The following DNAJC6 variants were observed in gnomAD, a reference collection of about 807,000 sequenced individuals.
DNAJC6 encodes DnaJ heat shock protein family (Hsp40) member C6, also known as auxilin.
A neutral mutation model predicts 110.0 loss-of-function variants in DNAJC6; 34 were observed. The ratio of observed to expected loss-of-function variants is 0.31; its 90% CI spans 0.24 to 0.41. DNAJC6 has a LOEUF of 0.41. Among genes scored for constraint, DNAJC6 ranks in the 10% least tolerant of loss-of-function variants. The pLI, the probability that DNAJC6 is intolerant of heterozygous loss-of-function variation, is 1.00. For missense variants in DNAJC6, 1,031 were observed against 1,207.8 expected, an observed-to-expected ratio of 0.85 and a Z score of 2.17; for synonymous variants, 406 against 437.2, an observed-to-expected ratio of 0.93 and a Z score of 0.89.
At chr1:65,406,226 TG>T in intron 16 of DNAJC6, 93 bp downstream of exon 16, 1 of 1,493,110 alleles carries the variant, frequency 6.7e-7, no homozygotes, top group Admixed American at 2.1e-5. Context: ...CAGTATTTTC[TG>T]GGTAGTTTCA....
intron 17 of DNAJC6, among the ~76,000 whole-genome samples, chr1:65,409,052 C>G (rs1290091888): frequency 6.6e-6 from 1 of 152,020 alleles, no homozygotes; most frequent in Non-Finnish European, 1.5e-5. Context: ...GTGGTCTTTT[C>G]CCTGTGTCCT....
chr1:65,387,340 G>A (rs1291891571), intron 8 of DNAJC6, among the ~76,000 whole-genome samples: 1 of 152,168 alleles, frequency 6.6e-6, no homozygotes, highest in Non-Finnish European at 1.5e-5. Context: ...CCCTTTTAAA[G>A]TGTACAATGC....
chr1:65,338,390 A>G (rs938987758), intron 1 of DNAJC6, among the ~76,000 whole-genome samples: 1 of 152,012 alleles, frequency 6.6e-6, no homozygotes, highest in African/African-American at 2.4e-5. Flanking sequence ...CTGGTTGTAT[A>G]TATTTTGCTT....
At chr1:65,369,100 A>G (rs2101567212) in intron 4 of DNAJC6, among the ~76,000 whole-genome samples, 1 of 152,140 alleles carries the variant, frequency 6.6e-6, no homozygotes, top group African/African-American at 2.4e-5. Flanking sequence ...TAATTTTGCT[A>G]AGGAGAAGAT....
At chr1:65,289,854 G>T (rs1323957771) in intron 1 of DNAJC6, among the ~76,000 whole-genome samples, 2 of 150,468 alleles carry the variant, frequency 1.3e-5, no homozygotes, top group Non-Finnish European at 3.0e-5. Context: ...ATGTTGCCCA[G>T]GCTGAGATGC....
chr1:65,311,461 G>A (rs1645101260), intron 1 of DNAJC6, among the ~76,000 whole-genome samples: 1 of 152,114 alleles, frequency 6.6e-6, no homozygotes, highest in Admixed American at 6.5e-5. Context: ...CTGACCTCAG[G>A]TGATCTGCCT....
At chr1:65,412,770 T>C (rs113767391) in intron 18 of DNAJC6, among the ~76,000 whole-genome samples, 154 bp from the exon 19 acceptor site, 34 of 152,230 alleles carry the variant, frequency 2.2e-4, no homozygotes, top group African/African-American at 8.2e-4. Context: ...TTATAGTAAT[T>C]TGGGTCAGAT....
At chr1:65,266,538 A>C (rs1391985915) in intron 1 of DNAJC6, among the ~76,000 whole-genome samples, 1 of 152,188 alleles carries the variant, frequency 6.6e-6, no homozygotes, top group Non-Finnish European at 1.5e-5. Context: ...GTGCCTGGTA[A>C]GGGGGAAGAG....
At chr1:65,367,671 A>G (rs1401232922) in intron 4 of DNAJC6, among the ~76,000 whole-genome samples, 4 of 152,202 alleles carry the variant, frequency 2.6e-5, no homozygotes, top group Non-Finnish European at 5.9e-5. Context: ...ATATCATTAT[A>G]GAAGCATTTA....
rs1557508056 is a variant in DNAJC6, at chr1:65,302,125, A to ATACGTATTATATAT, written c.-131+37193_-131+37194insTACGTATTATATAT. ...AATATATAATATATATATATATATAAAAAATATATATAATACGTATTATAT... is the reference window on the plus strand; with the variant it reads ...AATATATAATATATATATATATATAATACGTATTATATATAAAATATATATAATACGTATTATAT... On this transcript the variant is annotated intron_variant, in intron 1 of 19. Transcript: ENST00000263441. Among the ~76,000 whole-genome samples, 178 of 20,716 alleles carry ATACGTATTATATAT rather than the reference A, an allele frequency of 8.6e-3. 4 individuals carry two copies. Among genetic ancestry groups the ATACGTATTATATAT allele is most frequent in the African/African-American group, 0.051 (162 of 3,204 alleles). 13.6% of individuals were successfully genotyped at this position (20,716 alleles called of 152,430 possible). A position where few individuals can be genotyped will look rare whatever the true frequency, so the allele number is the denominator to read the frequency against.
chr1:65,278,836 C>A (rs1393827726), intron 1 of DNAJC6, among the ~76,000 whole-genome samples: 1 of 152,106 alleles, frequency 6.6e-6, no homozygotes, highest in Non-Finnish European at 1.5e-5. Flanking sequence ...GTTCATCTGA[C>A]TTTCCTAACT....
chr1:65,264,942 G>C (rs772327587), intron 1 of DNAJC6: 1 of 1,612,444 alleles, frequency 6.2e-7, no homozygotes, highest in Non-Finnish European at 8.5e-7. Context: ...GGTAAGGGGC[G>C]GACTGCAGAA....
rs1232251726 is a variant in DNAJC6 at position 65,405,934 on chromosome 1, C to T, written c.2292C>T (p.Leu764=). Residue 764 remains leucine (L), a synonymous_variant, in exon 16 of 19, where the codon CTC becomes CTT. Transcript: ENST00000371069. The stretch of plus-strand genomic sequence containing the variant: ...GATTGGGTGGAGGATTCCCGCCTCT[C>T]AGCTCGCCACAGAAGGCGTCTCCCC... The part of the protein sequence containing the change: ...PTGLGGGFPP[L]SSPQKASPQP... 6.2e-7 allele frequency: 1 copy of T among 1,614,040 alleles called. No homozygotes were observed. Among genetic ancestry groups the T allele is most frequent in the Non-Finnish European group, 8.5e-7 (1 of 1,180,004 alleles).
rs148145327 is a variant in DNAJC6, at chr1:65,388,404, A to G, written c.1182A>G (p.Leu394=). ...TCATACCACTGGACACAACAGTTTTAAAGTTCACCAAGTAAGTACTGGTTG... is the reference window on the plus strand; with the variant it reads ...TCATACCACTGGACACAACAGTTTTGAAGTTCACCAAGTAAGTACTGGTTG... ...TGFIPLDTTV[L]KFTKPELDAC... is the part of the protein sequence containing the mutation. The change falls in exon 9 of 19, where the codon TTA becomes TTG. Residue 394 remains leucine (L), a synonymous_variant. Coordinates refer to ENST00000371069, the MANE Select transcript of DNAJC6 (RefSeq NM_001256864.2). The G allele has an allele frequency of 1.3e-4, 212 of 1,613,900 alleles. No individual in the cohort carries two copies. The highest frequency in any genetic ancestry group is 1.6e-4 in the Middle Eastern group (1 of 6,080).
chr1:65,299,790 C>T (rs1410466852), intron 1 of DNAJC6, among the ~76,000 whole-genome samples: 1 of 152,028 alleles, frequency 6.6e-6, no homozygotes, highest in Non-Finnish European at 1.5e-5. Flanking sequence ...TGGCTCATGC[C>T]TGCAATCCCA....
At chr1:65,398,700 T>A in intron 13 of DNAJC6, 113 bp from the exon 14 acceptor site, 2 of 995,164 alleles carry the variant, frequency 2.0e-6, no homozygotes, top group Non-Finnish European at 3.1e-6. Context: ...TATCTTGGGA[T>A]CTTGCTGGGG....
rs138889333 is a variant in DNAJC6 at position 65,398,823 on chromosome 1, G to T, written c.2049G>T (p.Thr683=). ...SPSPTVHASS[T]PAVNIQPDVS... ...TTTCCCCATTTGCAGCTTCTAGTAC[G>T]CCTGCTGTGAACATTCAGCCAGATG... The change falls in exon 14 of 19, where the codon ACG becomes ACT. Residue 683 remains threonine, a synonymous_variant. Coordinates refer to ENST00000371069, the MANE Select transcript of DNAJC6 (RefSeq NM_001256864.2). The T allele has an allele frequency of 3.7e-6, 6 of 1,613,864 alleles. No homozygotes were observed. In the East Asian group the frequency reaches 6.7e-5, roughly 18 times the overall value.
At chr1:65,293,939 A>G (rs908741177) in intron 1 of DNAJC6, among the ~76,000 whole-genome samples, 11 of 152,236 alleles carry the variant, frequency 7.2e-5, no homozygotes, top group Non-Finnish European at 1.3e-4. Context: ...TGCAAAGGAA[A>G]TCAACATAAA....
chr1:65,385,962 G>T, intron 7 of DNAJC6, 56 bp downstream of exon 7: 2 of 1,432,244 alleles, frequency 1.4e-6, no homozygotes, highest in Admixed American at 3.9e-5. Flanking sequence ...ATGTAAATGA[G>T]CAGGAATGAG....
Sources: gnomAD v4.1 joint callset for allele counts (sites outside exome capture counted in the v4.1 genomes callset) on GRCh38, gnomAD v4.1.1 for gene constraint, MANE v1.5 for transcripts, NCBI Gene and HGNC (gene_info 2026-07-23, HGNC 2026-07-21) for gene names.